The following EXOC4 variants were observed in gnomAD, a reference collection of about 807,000 sequenced individuals.
EXOC4 encodes the protein exocyst complex component 4.
EXOC4 carries 71 observed loss-of-function variants against 107.2 expected under a neutral mutation model. The observed-to-expected ratio is 0.66, with a 90% CI of 0.55 to 0.81. EXOC4 has a LOEUF of 0.81. Ranked by LOEUF, EXOC4 falls within the 30% of genes least tolerant of loss-of-function variation. The pLI, the probability that EXOC4 is intolerant of heterozygous loss-of-function variation, is 0.00. For synonymous variants in EXOC4, 456 were observed against 441.2 expected (o/e 1.03, Z -0.42); for missense variants, 1,108 against 1,189.6 (o/e 0.93, Z 1.01).
At chr7:133,383,560 A>C (rs547297793) in intron 7 of EXOC4, among the ~76,000 whole-genome samples, 1 of 152,314 alleles carries the variant, frequency 6.6e-6, no homozygotes, top group East Asian at 1.9e-4. Flanking sequence ...GAGAGCTTGA[A>C]GTTTGCTGTC....
At chr7:133,956,136 G>C (rs1252968174) in intron 14 of EXOC4, among the ~76,000 whole-genome samples, 1 of 152,260 alleles carries the variant, frequency 6.6e-6, no homozygotes, top group African/African-American at 2.4e-5. Context: ...TCCAAATGAA[G>C]TTGTAATGGG....
At chr7:133,724,325 A>G (rs1319600449) in intron 10 of EXOC4, among the ~76,000 whole-genome samples, 1 of 152,326 alleles carries the variant, frequency 6.6e-6, no homozygotes, top group African/African-American at 2.4e-5. Context: ...TTTAAACCAT[A>G]TCTGGAAGCA....
At chr7:134,005,184 A>AAAGAG (rs2116329342) in intron 16 of EXOC4, 94 bp downstream of exon 16, 1 of 1,312,924 alleles carries the variant, frequency 7.6e-7, no homozygotes, top group African/African-American at 1.5e-5. Context: ...GACTTGTAGA[A>AAAGAG]AAGAGTTGTT....
At chr7:134,083,707 T>C in the EXOC4 span, among the ~76,000 whole-genome samples, 119,048 of 152,130 alleles carry the variant, frequency 0.78, 47,551 homozygotes, top group African/African-American at 0.93. Context: ...CCAAAGCAGA[T>C]GTGACCAGTC....
intron 5 of EXOC4, among the ~76,000 whole-genome samples, chr7:133,355,599 A>G (rs565229387): frequency 6.6e-6 from 1 of 152,206 alleles, no homozygotes; most frequent in African/African-American, 2.4e-5. Context: ...CTTCCATTTC[A>G]GTGCCAAATT....
chr7:133,540,862 A>C (rs1384239995), intron 9 of EXOC4, among the ~76,000 whole-genome samples: 1 of 152,194 alleles, frequency 6.6e-6, no homozygotes, highest in Non-Finnish European at 1.5e-5. Context: ...AAAACTAAAA[A>C]AAATTTTGTT....
At chr7:134,014,579 G>T (rs747341289) in intron 17 of EXOC4, among the ~76,000 whole-genome samples, 5 of 152,108 alleles carry the variant, frequency 3.3e-5, no homozygotes, top group Non-Finnish European at 7.4e-5. Flanking sequence ...CTATTCATAT[G>T]AAATGTCCAA....
At chr7:134,042,485 A>G (rs1245459845) in intron 17 of EXOC4, among the ~76,000 whole-genome samples, 2 of 152,154 alleles carry the variant, frequency 1.3e-5, no homozygotes, top group African/African-American at 2.4e-5. Context: ...AGGAAAAAAA[A>G]AAAAAGGAAA....
intron 2 of EXOC4, among the ~76,000 whole-genome samples, chr7:133,278,118 C>T (rs1313521147): frequency 2.6e-5 from 4 of 152,246 alleles, no homozygotes; most frequent in African/African-American, 9.6e-5. Context: ...GGTGCTAGGG[C>T]TGCACAAATG....
chr7:133,412,386 A>G (rs369152763), intron 7 of EXOC4, among the ~76,000 whole-genome samples: 1 of 135,646 alleles, frequency 7.4e-6, no homozygotes, highest in Admixed American at 8.6e-5. Context: ...ACATACTTTT[A>G]TTGGAATATA....
intron 9 of EXOC4, among the ~76,000 whole-genome samples, chr7:133,603,504 A>G (rs1212213490): frequency 2.0e-5 from 3 of 152,210 alleles, no homozygotes. Flanking sequence ...GTTATATGGT[A>G]TAGCCTGTCG....
rs1344644570 is a variant in EXOC4 at position 133,374,973 on chromosome 7, G to A, written c.1153G>A (p.Val385Ile). The change falls in exon 7 of 18, where the codon GTA becomes ATA. Residue 385 changes from valine to isoleucine, a missense_variant. Val to Ile is a conservative substitution (Grantham distance 29). Coordinates refer to ENST00000253861, the MANE Select transcript of EXOC4 (RefSeq NM_021807.4). ...EDIKLYDMAD[V>I]WVKIQDVLQM... is the part of the protein sequence containing the mutation. ...TATCAAACTGTATGATATGGCAGATGTATGGGTGAAGATCCAAGATGTTCT... is the reference window on the plus strand; with the variant it reads ...TATCAAACTGTATGATATGGCAGATATATGGGTGAAGATCCAAGATGTTCT... The A allele has an allele frequency of 3.7e-6, 6 of 1,613,880 alleles. No homozygotes were observed. The South Asian group carries it at 4.4e-5, about 12-fold the overall frequency.
chr7:133,294,555 A>G (rs185082998), intron 3 of EXOC4, among the ~76,000 whole-genome samples: 1 of 152,232 alleles, frequency 6.6e-6, no homozygotes, highest in East Asian at 1.9e-4. Flanking sequence ...GCCTTTTAAA[A>G]AGAATCCATA....
chr7:133,839,493 T>C (rs1398031401), intron 11 of EXOC4, among the ~76,000 whole-genome samples: 1 of 152,236 alleles, frequency 6.6e-6, no homozygotes, highest in Non-Finnish European at 1.5e-5. Context: ...AATAAATTCA[T>C]TTTCACTGTA....
At chr7:133,875,444 T>A (rs1563038540) in intron 11 of EXOC4, among the ~76,000 whole-genome samples, 1 of 152,190 alleles carries the variant, frequency 6.6e-6, no homozygotes, top group Non-Finnish European at 1.5e-5. Context: ...AGGTATCAGT[T>A]CTGAGTGAAT....
In EXOC4 at chr7:133,312,614, A is replaced by T. The variant is rs535922646; in HGVS notation, c.657-4670A>T. Among the ~76,000 whole-genome samples, 3 of 152,270 alleles carry T rather than the reference A, an allele frequency of 2.0e-5. No individual in the cohort carries two copies. The South Asian group carries it at 6.2e-4, about 32-fold the overall frequency. ...AAGGGAAAAACTAGAATTCAGATCT[A>T]TGCAGGATGATCAAAGAATGTTGAA... On this transcript the variant is annotated intron_variant, in intron 4 of 17. Transcript: ENST00000253861.
intron 10 of EXOC4, among the ~76,000 whole-genome samples, chr7:133,720,480 T>G (rs1795085192): frequency 6.6e-6 from 1 of 152,158 alleles, no homozygotes; most frequent in African/African-American, 2.4e-5. Context: ...CACAAAACAG[T>G]CGACCATAGG....
At chr7:133,415,087 A>G (rs1797444968) in intron 7 of EXOC4, among the ~76,000 whole-genome samples, 1 of 152,182 alleles carries the variant, frequency 6.6e-6, no homozygotes, top group Non-Finnish European at 1.5e-5. Flanking sequence ...TTTGAGGTTC[A>G]TCAGTGTTGT....
chr7:133,475,254 T>C, intron 7 of EXOC4, 74 bp from the exon 8 acceptor site: 1 of 1,304,988 alleles, frequency 7.7e-7, no homozygotes, highest in South Asian at 1.3e-5. Flanking sequence ...ATTTGCATGG[T>C]TTTAAAATAG....
Sources: allele counts gnomAD v4.1 joint callset (sites outside exome capture counted in the v4.1 genomes callset), GRCh38; gene constraint gnomAD v4.1.1; transcripts MANE v1.5; gene names NCBI Gene and HGNC (gene_info 2026-07-23, HGNC 2026-07-21).